Variants in ITGAE observed in about 807,000 individuals in gnomAD.
ITGAE encodes integrin alpha-E.
Under a neutral mutation model 136.5 loss-of-function variants are expected in ITGAE, and 99 were observed. The ratio of observed to expected loss-of-function variants is 0.73; its 90% CI spans 0.62 to 0.86. ITGAE has a LOEUF of 0.86. ITGAE is among the 40% of genes least tolerant of loss of function. The pLI is 0.00. For missense variants in ITGAE, 1,447 were observed against 1,515.3 expected, an observed-to-expected ratio of 0.95 and a Z score of 0.75; for synonymous variants, 613 against 591.8, an observed-to-expected ratio of 1.04 and a Z score of -0.52.
In ITGAE at chr17:3,722,480, A is replaced by T. The variant is rs1023774415; in HGVS notation, c.3237+808T>A. ...CGGGTGACAGAGCAAGACTCCATCT[A>T]AAAAAAAAAAAAAAAAAAAGAAAAG... On this transcript the variant is annotated intron_variant, in intron 28 of 30. Transcript: ENST00000263087. 7 of 109,788 alleles carry T rather than the reference A, an allele frequency of 6.4e-5. No homozygotes were observed. In the South Asian group the frequency reaches 9.4e-4, roughly 15 times the overall value. 6.8% of individuals were successfully genotyped at this position (109,788 alleles called of 1,614,324 possible).
intron 2 of ITGAE, among the ~76,000 whole-genome samples, chr17:3,776,273 G>GTCTCCAACTCCTGA (rs2052537676): frequency 6.6e-6 from 1 of 151,900 alleles, no homozygotes; most frequent in Non-Finnish European, 1.5e-5. Context: ...GGCCAGGCTG[G>GTCTCCAACTCCTGA]TCTCCAACTC....
intron 12 of ITGAE, 31 bp downstream of exon 12, chr17:3,755,086 C>CCCCGCCCTCATCAGGTGGG: frequency 6.4e-7 from 1 of 1,563,032 alleles, no homozygotes; most frequent in East Asian, 2.4e-5. Flanking sequence ...CATCAGGTGG[C>CCCCGCCCTCATCAGGTGGG]CCCGCCCTCA....
chr17:3,774,525 A>G (rs2052496361), intron 2 of ITGAE, among the ~76,000 whole-genome samples: 1 of 152,162 alleles, frequency 6.6e-6, no homozygotes, highest in South Asian at 2.1e-4. Context: ...GCACTTTGGG[A>G]GGCCGAAGTG....
chr17:3,754,872 C>T (rs1462642229), intron 12 of ITGAE, among the ~76,000 whole-genome samples: 2 of 150,410 alleles, frequency 1.3e-5, no homozygotes, highest in Non-Finnish European at 3.0e-5. Context: ...CCAGGTAGCC[C>T]CCAGGCCCCA....
At chr17:3,793,478 G>A (rs1208881656) in intron 1 of ITGAE, among the ~76,000 whole-genome samples, 1 of 152,210 alleles carries the variant, frequency 6.6e-6, no homozygotes. Flanking sequence ...GTGGGCCCTG[G>A]GGCCGGAGCC....
intron 1 of ITGAE, among the ~76,000 whole-genome samples, chr17:3,794,778 G>A (rs1303930786): frequency 6.6e-6 from 1 of 152,170 alleles, no homozygotes; most frequent in East Asian, 1.9e-4. Context: ...AAACTGCCTA[G>A]AGGAGAATTA....
Position 3,716,808 on chromosome 17 carries a change from A to T in ITGAE, c.3334-10T>A. 7.0e-7 allele frequency: 1 copy of T among 1,429,568 alleles called. No homozygotes were observed. Among genetic ancestry groups the T allele is most frequent in the Non-Finnish European group, 9.8e-7 (1 of 1,017,746 alleles). 88.6% of individuals were successfully genotyped at this position (1,429,568 alleles called of 1,614,324 possible). A position where few individuals can be genotyped will look rare whatever the true frequency, so the allele number is the denominator to read the frequency against. On this transcript the variant is annotated splice_polypyrimidine_tract_variant and intron_variant, in intron 29 of 30. Coordinates refer to ENST00000263087, the MANE Select transcript of ITGAE (RefSeq NM_002208.5). ...GGAAGACGACAGTGATCTAGACAAG[A>T]CAAAGAGATCGCCCAATAAATCAGG...
intron 30 of ITGAE, among the ~76,000 whole-genome samples, chr17:3,715,572 A>G (rs922951850): frequency 1.3e-5 from 2 of 152,166 alleles, no homozygotes; most frequent in Admixed American, 1.3e-4. Flanking sequence ...GGGAGAAAAA[A>G]GCAAGGTCAG....
At chr17:3,784,112 T>C (rs927921141) in intron 1 of ITGAE, among the ~76,000 whole-genome samples, 1 of 151,788 alleles carries the variant, frequency 6.6e-6, no homozygotes, top group Non-Finnish European at 1.5e-5. Flanking sequence ...TACAAAAAAT[T>C]AGCCGGGCGT....
At position 3,770,102 on chromosome 17, in the gene ITGAE, ATTTC is replaced by A. The variant is rs1405576242; in HGVS notation, c.156-6146_156-6143del. Among the ~76,000 whole-genome samples, 9 of 144,946 alleles carry A rather than the reference ATTTC, an allele frequency of 6.2e-5. No homozygotes were observed. The East Asian group carries it at 1.7e-3, about 27-fold the overall frequency. On this transcript the variant is annotated intron_variant, in intron 2 of 30. Transcript: ENST00000263087. Reference sequence around the variant, plus strand: ...CTAACCTGTCCTGTTCTCAGGGTTTATTTCTTTCTTTCTTTTTTTTTTTTTTCTT... The same window carrying A: ...CTAACCTGTCCTGTTCTCAGGGTTTATTTCTTTCTTTTTTTTTTTTTTCTT...
intron 2 of ITGAE, among the ~76,000 whole-genome samples, chr17:3,772,319 T>G (rs1265274437): frequency 6.6e-6 from 1 of 152,116 alleles, no homozygotes; most frequent in African/African-American, 2.4e-5. Context: ...GCCCGGGAGC[T>G]CCATGAAGGC....
chr17:3,752,201 A>G (rs528376080), intron 14 of ITGAE, among the ~76,000 whole-genome samples: 72 of 152,342 alleles, frequency 4.7e-4, no homozygotes, highest in African/African-American at 1.7e-3. Flanking sequence ...GGGTCCTCCT[A>G]CCTGGAAGTT....
intron 1 of ITGAE, among the ~76,000 whole-genome samples, chr17:3,797,157 A>ATATATTT (rs1301623728): frequency 2.1e-5 from 2 of 94,436 alleles, no homozygotes. Context: ...ATATATATAT[A>ATATATTT]TTTTTTTTTT....
rs181456126 is a variant in ITGAE, at chr17:3,743,366, G to A, written c.2448+123C>T. 2,250 of 1,125,112 alleles carry A rather than the reference G, an allele frequency of 2.0e-3. 5 individuals carry two copies. Among genetic ancestry groups the A allele is most frequent in the Non-Finnish European group, 2.6e-3 (2,078 of 798,196 alleles). The allele number at this position is 1,125,112 out of a possible 1,614,324, so 69.7% of individuals were successfully genotyped here. On this transcript the variant is annotated intron_variant, in intron 19 of 30. Transcript: ENST00000263087. ...TCAGTTTCACCATGAGTACGGTGAG[G>A]GGCCCAAATGCCGTCTGAAGACATT...
At chr17:3,749,750 G>T (rs1317969535) in intron 16 of ITGAE, among the ~76,000 whole-genome samples, 1 of 151,750 alleles carries the variant, frequency 6.6e-6, no homozygotes, top group Non-Finnish European at 1.5e-5. Context: ...AGGCATAGTG[G>T]CTCATGCCTG....
chr17:3,755,094 T>TCATCAGGTGGCCCCGCCCA, intron 12 of ITGAE, 23 bp downstream of exon 12: 14 of 1,493,088 alleles, frequency 9.4e-6, no homozygotes, highest in African/African-American at 1.4e-5. Flanking sequence ...GGCCCCGCCC[T>TCATCAGGTGGCCCCGCCCA]CATCAGGTGG....
intron 29 of ITGAE, among the ~76,000 whole-genome samples, chr17:3,719,249 A>AAAAAAAAAAAAAAAAAAC (rs2051001870): frequency 6.8e-6 from 1 of 146,178 alleles, no homozygotes; most frequent in African/African-American, 2.5e-5. Context: ...AAAAAAAAAA[A>AAAAAAAAAAAAAAAAAAC]AAAAAAAGAA....
intron 10 of ITGAE, 121 bp downstream of exon 10, chr17:3,756,863 A>C: frequency 8.2e-5 from 87 of 1,067,310 alleles, no homozygotes; most frequent in Non-Finnish European, 1.1e-4. Flanking sequence ...TAGACATGGA[A>C]GAGCTGAGGT....
chr17:3,729,289 GT>G, intron 24 of ITGAE, 188 bp downstream of exon 24: 1 of 580,294 alleles, frequency 1.7e-6, no homozygotes, highest in Non-Finnish European at 3.1e-6. Flanking sequence ...GATGACCACA[GT>G]GGGGTTTCTG....
Sources: gnomAD v4.1 joint callset for allele counts (sites outside exome capture counted in the v4.1 genomes callset) on GRCh38, gnomAD v4.1.1 for gene constraint, MANE v1.5 for transcripts, NCBI Gene and HGNC (gene_info 2026-07-23, HGNC 2026-07-21) for gene names.